GPR158: variants seen among roughly 807,000 people sequenced by gnomAD.
GPR158 encodes the protein G protein-coupled receptor 158.
Under a neutral mutation model 78.2 loss-of-function variants are expected in GPR158, and 30 were observed. The ratio of observed to expected loss-of-function variants is 0.38; its 90% CI spans 0.29 to 0.52. GPR158 has a LOEUF of 0.52. Ranked by LOEUF, GPR158 falls within the 20% of genes least tolerant of loss-of-function variation. The pLI is 0.83. For missense variants in GPR158, 1,463 were observed against 1,523.5 expected, an observed-to-expected ratio of 0.96 and a Z score of 0.66; for synonymous variants, 581 against 591.1, an observed-to-expected ratio of 0.98 and a Z score of 0.25.
At position 25,196,688 on chromosome 10, in the gene GPR158, A is replaced by G. The variant is rs575206559; in HGVS notation, c.902+20366A>G. The stretch of plus-strand genomic sequence containing the variant: ...AGTCTCTGCCCCACCCTGGACCTTT[A>G]CTCTAGGAGAACTAATAACCATTCT... On this transcript the variant is annotated intron_variant, in intron 1 of 10. Transcript: ENST00000376351. Among the ~76,000 whole-genome samples the G allele has an allele frequency of 3.5e-4, 53 of 152,064 alleles. 1 individual carries two copies. The highest frequency in any genetic ancestry group is 5.3e-4 in the Non-Finnish European group (36 of 68,016).
rs1432362438 is a variant in GPR158, at chr10:25,594,293, TTTG to T, written c.1897_1899del (p.Val633del). On this transcript the variant is annotated inframe_deletion and splice_region_variant, in exon 9 of 11. Transcript: ENST00000376351. ...TAACTCAATGAATTCTCATTTCAGA[TTTG>T]TTCTTGCCTCAAGACTTCAGTCTGA... 17 of 1,473,482 alleles carry T rather than the reference TTTG, an allele frequency of 1.2e-5. No homozygotes were observed. In the East Asian group the frequency reaches 3.9e-4, roughly 34 times the overall value. The allele number at this position is 1,473,482 out of a possible 1,614,324, so 91.3% of individuals were successfully genotyped here. A position where few individuals can be genotyped will look rare whatever the true frequency, so the allele number is the denominator to read the frequency against.
chr10:25,417,911 A>G (rs1042090442), intron 4 of GPR158, among the ~76,000 whole-genome samples: 1 of 152,084 alleles, frequency 6.6e-6, no homozygotes, highest in Non-Finnish European at 1.5e-5. Flanking sequence ...AATTCATAAA[A>G]TCTTAGTTGA....
chr10:25,360,436 A>G (rs867233076), intron 2 of GPR158, among the ~76,000 whole-genome samples: 26 of 152,138 alleles, frequency 1.7e-4, no homozygotes, highest in Admixed American at 5.9e-4. Context: ...TATAAGGTGT[A>G]AGGAAGGTGT....
intron 2 of GPR158, among the ~76,000 whole-genome samples, chr10:25,319,829 C>CG (rs953791576): frequency 5.6e-4 from 81 of 144,714 alleles, no homozygotes; most frequent in Admixed American, 1.7e-3. Flanking sequence ...CCCACCCCCC[C>CG]CAAAAAAAAA....
At chr10:25,583,256 TTTA>T (rs1564497393) in intron 7 of GPR158, among the ~76,000 whole-genome samples, 9 of 152,138 alleles carry the variant, frequency 5.9e-5, no homozygotes, top group African/African-American at 1.7e-4. Context: ...ATCAACTGAC[TTTA>T]AGGCCAGCAG....
At chr10:25,446,894 G>C (rs1404924995) in intron 4 of GPR158, among the ~76,000 whole-genome samples, 3 of 152,170 alleles carry the variant, frequency 2.0e-5, no homozygotes, top group African/African-American at 7.2e-5. Context: ...ATAAGATAGG[G>C]AAGATTAATC....
chr10:25,533,793 A>C (rs1476728194), intron 5 of GPR158, among the ~76,000 whole-genome samples: 1 of 152,106 alleles, frequency 6.6e-6, no homozygotes, highest in Non-Finnish European at 1.5e-5. Flanking sequence ...TGTAAAGGTA[A>C]GGTGTATTGC....
chr10:25,373,913 A>T (rs1834039898), intron 2 of GPR158, among the ~76,000 whole-genome samples: 1 of 151,712 alleles, frequency 6.6e-6, no homozygotes, highest in Non-Finnish European at 1.5e-5. Context: ...AGTGCTTTTT[A>T]ATGTAATGGA....
At chr10:25,251,633 A>C (rs932527045) in intron 2 of GPR158, among the ~76,000 whole-genome samples, 2 of 148,180 alleles carry the variant, frequency 1.3e-5, no homozygotes, top group African/African-American at 2.5e-5. Flanking sequence ...AGAATGTTGA[A>C]TATTGGCCCC....
Position 25,598,774 on chromosome 10 carries a change from C to T in GPR158, c.3148C>T (p.His1050Tyr), listed in dbSNP as rs1466658783. The T allele has an allele frequency of 6.2e-7, 1 of 1,614,026 alleles. No homozygotes were observed. Among genetic ancestry groups the T allele is most frequent in the Non-Finnish European group, 8.5e-7 (1 of 1,179,982 alleles). ...PTFSLKEKSH[H>Y]KPKAAEVCQQ... is the part of the protein sequence containing the mutation. ...TTTTTCCTTAAAGGAGAAATCTCAC[C>T]ACAAGCCTAAGGCAGCTGAGGTTTG... The change falls in exon 11 of 11, where the codon CAC (histidine) becomes TAC (tyrosine). Residue 1050 changes from histidine (H) to tyrosine (Y), a missense_variant. Physicochemically the swap from His to Tyr is moderately conservative, Grantham distance 83 (BLOSUM62 2). Coordinates refer to ENST00000376351, the MANE Select transcript of GPR158 (RefSeq NM_020752.3).
At chr10:25,547,607 T>G (rs767930265) in intron 5 of GPR158, among the ~76,000 whole-genome samples, 2 of 152,126 alleles carry the variant, frequency 1.3e-5, no homozygotes, top group Non-Finnish European at 2.9e-5. Flanking sequence ...ATCCTCATTA[T>G]AATGCATTTC....
chr10:25,270,315 C>T (rs1854101065), intron 2 of GPR158, among the ~76,000 whole-genome samples: 2 of 152,076 alleles, frequency 1.3e-5, no homozygotes, highest in African/African-American at 4.8e-5. Context: ...TTCTGTTTCA[C>T]CTGAACAGTT....
At chr10:25,249,780 TG>T (rs1853763617) in intron 2 of GPR158, among the ~76,000 whole-genome samples, 1 of 152,104 alleles carries the variant, frequency 6.6e-6, no homozygotes, top group African/African-American at 2.4e-5. Flanking sequence ...TCTCTTTTTT[TG>T]TTCTGTCTCT....
At chr10:25,318,057 G>A (rs1033162204) in intron 2 of GPR158, among the ~76,000 whole-genome samples, 1 of 152,114 alleles carries the variant, frequency 6.6e-6, no homozygotes, top group Non-Finnish European at 1.5e-5. Context: ...GTACTTCCTT[G>A]TATAGGGCTG....
intron 2 of GPR158, among the ~76,000 whole-genome samples, chr10:25,258,028 T>C (rs1853914612): frequency 6.6e-6 from 1 of 152,228 alleles, no homozygotes; most frequent in Non-Finnish European, 1.5e-5. Context: ...ATTCCAAGGC[T>C]ATACACTGAA....
At chr10:25,324,831 C>CTTTCTTTCTTTCTTTCTTTCTT (rs746272253) in intron 2 of GPR158, among the ~76,000 whole-genome samples, 5 of 125,392 alleles carry the variant, frequency 4.0e-5, no homozygotes, top group African/African-American at 1.5e-4. Context: ...TTTTTTCTTT[C>CTTTCTTTCTTTCTTTCTTTCTT]TTTTTTTTTT....
At chr10:25,249,753 G>A (rs1184947735) in intron 2 of GPR158, among the ~76,000 whole-genome samples, 1 of 152,076 alleles carries the variant, frequency 6.6e-6, no homozygotes, top group African/African-American at 2.4e-5. Flanking sequence ...TGTTCATCAA[G>A]GATATTGGCC....
At chr10:25,414,646 A>C in intron 4 of GPR158, among the ~76,000 whole-genome samples, 1 of 152,286 alleles carries the variant, frequency 6.6e-6, no homozygotes, top group Middle Eastern at 3.4e-3. Flanking sequence ...AGAATGTAGA[A>C]TTTAGATTTG....
At chr10:25,219,476 G>A (rs954741622) in intron 1 of GPR158, among the ~76,000 whole-genome samples, 1 of 152,050 alleles carries the variant, frequency 6.6e-6, no homozygotes, top group African/African-American at 2.4e-5. Flanking sequence ...TGCAGAATGG[G>A]GTCTATATAT....
Sources: allele counts gnomAD v4.1 joint callset (sites outside exome capture counted in the v4.1 genomes callset), GRCh38; gene constraint gnomAD v4.1.1; transcripts MANE v1.5; gene names NCBI Gene and HGNC (gene_info 2026-07-23, HGNC 2026-07-21).